EMSY: variants seen among roughly 807,000 people sequenced by gnomAD.
EMSY encodes BRCA2-interacting transcriptional repressor EMSY.
EMSY carries 26 observed loss-of-function variants against 134.6 expected under a neutral mutation model. The ratio of observed to expected loss-of-function variants is 0.19; its 90% CI spans 0.14 to 0.27. The LOEUF (loss-of-function observed/expected upper bound fraction) is 0.27, where lower values mean the gene tolerates loss of function less well. Ranked by LOEUF, EMSY falls within the 10% of genes least tolerant of loss-of-function variation. The probability of loss-of-function intolerance (pLI) is 1.00; values close to 1 mark genes in which losing one functional copy is unlikely to be tolerated. For synonymous variants in EMSY, 579 were observed against 577.8 expected, an observed-to-expected ratio of 1.00 and a Z score of -0.03; for missense variants, 1,305 against 1,611.4, an observed-to-expected ratio of 0.81 and a Z score of 3.26.
chr11:76,452,011 T>A, intron 3 of EMSY, 54 bp downstream of exon 3: 1 of 1,154,178 alleles, frequency 8.7e-7, no homozygotes, highest in Non-Finnish European at 1.2e-6. Flanking sequence ...TGGGGGATTT[T>A]ATTACTTATC....
chr11:76,519,768 T>G (rs1484521159), intron 11 of EMSY, among the ~76,000 whole-genome samples: 1 of 152,190 alleles, frequency 6.6e-6, no homozygotes, highest in Non-Finnish European at 1.5e-5. Context: ...ACAGGGATCT[T>G]TTTAAAAAAT....
intron 14 of EMSY, among the ~76,000 whole-genome samples, chr11:76,534,725 C>G (rs1314793579): frequency 1.3e-5 from 2 of 152,092 alleles, no homozygotes; most frequent in African/African-American, 4.8e-5. Flanking sequence ...TCAAAGCAGC[C>G]TCTTACTTTC....
chr11:76,530,367 G>A (rs966173909), intron 14 of EMSY, among the ~76,000 whole-genome samples: 1 of 152,062 alleles, frequency 6.6e-6, no homozygotes, highest in South Asian at 2.1e-4. Context: ...CATCATGTTG[G>A]CCAGGCTGGT....
intron 8 of EMSY, among the ~76,000 whole-genome samples, chr11:76,475,234 T>C (rs1948731207): frequency 6.6e-6 from 1 of 152,230 alleles, no homozygotes; most frequent in Non-Finnish European, 1.5e-5. Flanking sequence ...TGTTGATAGT[T>C]GTTTTTCTCT....
At position 76,496,725 on chromosome 11, in the gene EMSY, A is replaced by G. The variant is rs576544300; in HGVS notation, c.1363+256A>G. ...GTCTACATGTTTTTTGTTAGTATAT[A>G]AAAATAGTATTGATCTTGTATCCTT... On this transcript the variant is annotated intron_variant, in intron 9 of 20. Coordinates refer to ENST00000334736, the Ensembl canonical transcript of EMSY. 8.0e-6 allele frequency: 4 copies of G among 498,988 alleles called. No homozygotes were observed. In the East Asian group the frequency reaches 1.7e-4, roughly 21 times the overall value. The allele number at this position is 498,988 out of a possible 1,614,324, so 30.9% of individuals were successfully genotyped here.
chr11:76,462,162 C>T (rs965376888), intron 6 of EMSY, among the ~76,000 whole-genome samples: 1 of 152,126 alleles, frequency 6.6e-6, no homozygotes, highest in Admixed American at 6.5e-5. Context: ...TCACTTGAAT[C>T]TGGGAGACGG....
chr11:76,528,257 T>C lies in EMSY; in HGVS notation c.1996-11T>C, dbSNP rs1407646207. On this transcript the variant is annotated splice_polypyrimidine_tract_variant and intron_variant, in intron 13 of 20. Coordinates refer to ENST00000334736, the Ensembl canonical transcript of EMSY. ...AAATTTTATCTCAGTATATTTCTGC[T>C]TTTCTCCTAGGTTCTTATTAAACCC... The C allele has an allele frequency of 1.2e-6, 2 of 1,609,676 alleles. No homozygotes were observed. The highest frequency in any genetic ancestry group is 3.4e-5 in the Admixed American group (2 of 59,558).
chr11:76,535,807 G>T, intron 14 of EMSY, 88 bp from the exon 16 acceptor site: 1 of 1,071,882 alleles, frequency 9.3e-7, no homozygotes, highest in Non-Finnish European at 1.2e-6. Flanking sequence ...AGAAAGATAA[G>T]CAAACAGACA....
At chr11:76,539,130 CTGAT>C (rs145932892) in intron 16 of EMSY, among the ~76,000 whole-genome samples, 2,931 of 152,208 alleles carry the variant, frequency 0.019, 53 homozygotes, top group Non-Finnish European at 0.029. Context: ...CTCTCCTATT[CTGAT>C]TAGATGACAC....
chr11:76,469,538 C>T (rs779131875), intron 7 of EMSY, among the ~76,000 whole-genome samples: 5 of 152,196 alleles, frequency 3.3e-5, no homozygotes, highest in South Asian at 2.1e-4. Flanking sequence ...AATGCCTTTA[C>T]TGATATCCTT....
rs534914717 is a variant in EMSY, at chr11:76,453,403, G to C, written c.245+15G>C. The C allele has an allele frequency of 6.2e-7, 1 of 1,608,316 alleles. No homozygotes were observed. Among genetic ancestry groups the C allele is most frequent in the South Asian group, 1.1e-5 (1 of 90,446 alleles). On this transcript the variant is annotated intron_variant, in intron 4 of 20. Coordinates refer to ENST00000334736, the Ensembl canonical transcript of EMSY. Reference sequence around the variant, plus strand: ...ATTGCACATAAGTAAGCCATTAGTCGTACCATCCCTGATTTTTTATGACAT... The same window carrying C: ...ATTGCACATAAGTAAGCCATTAGTCCTACCATCCCTGATTTTTTATGACAT...
At chr11:76,503,858 C>T (rs1309461065) in intron 9 of EMSY, among the ~76,000 whole-genome samples, 1 of 152,108 alleles carries the variant, frequency 6.6e-6, no homozygotes, top group Non-Finnish European at 1.5e-5. Context: ...GGTCTTGGCT[C>T]ACTGCAACTT....
intron 8 of EMSY, among the ~76,000 whole-genome samples, chr11:76,494,707 CTTCCTTCCTTCCTTCCTTCCTTCCTTCCT>C (rs1370311111): frequency 1.9e-5 from 2 of 107,952 alleles, no homozygotes; most frequent in East Asian, 3.0e-4. Context: ...TCCTTCCTTC[CTTCCTTCCTTCCTTCCTTCCTTCCTTCCT>C]TTCCTTCCTT....
intron 7 of EMSY, among the ~76,000 whole-genome samples, chr11:76,466,010 T>A (rs1430767168): frequency 6.6e-6 from 1 of 152,226 alleles, no homozygotes; most frequent in Non-Finnish European, 1.5e-5. Context: ...TGGTTGGCAG[T>A]GTTTTGTTTG....
intron 6 of EMSY, among the ~76,000 whole-genome samples, chr11:76,462,458 T>C (rs1187162801): frequency 6.6e-6 from 1 of 152,218 alleles, no homozygotes; most frequent in Non-Finnish European, 1.5e-5. Context: ...ACTTAGTCAT[T>C]ACCCTCTGGG....
chr11:76,465,084 A>C (rs1948295011), intron 7 of EMSY, among the ~76,000 whole-genome samples: 1 of 152,156 alleles, frequency 6.6e-6, no homozygotes, highest in Admixed American at 6.5e-5. Context: ...TTGTATACTC[A>C]GTGGGCCCTT....
At chr11:76,540,670 G>A (rs372793074) in intron 17 of EMSY, among the ~76,000 whole-genome samples, 1 of 152,074 alleles carries the variant, frequency 6.6e-6, no homozygotes, top group Non-Finnish European at 1.5e-5. Context: ...ATACATAAAT[G>A]GCATTTTTAC....
At position 76,517,499 on chromosome 11, in the gene EMSY, G is replaced by C. The variant is rs528695673; in HGVS notation, c.1684+1187G>C. Among the ~76,000 whole-genome samples, 3 of 152,224 alleles carry C rather than the reference G, an allele frequency of 2.0e-5. No individual in the cohort carries two copies. The East Asian group carries it at 5.8e-4, about 29-fold the overall frequency. On this transcript the variant is annotated intron_variant, in intron 11 of 20. Transcript: ENST00000334736. ...AAAGGGATCTTATATTTCATTGGTAGGTAGTTTTTTATGACCTTAAGGATT... is the reference window on the plus strand; with the variant it reads ...AAAGGGATCTTATATTTCATTGGTACGTAGTTTTTTATGACCTTAAGGATT...
intron 14 of EMSY, among the ~76,000 whole-genome samples, chr11:76,535,399 G>C (rs907319052): frequency 6.6e-6 from 1 of 152,276 alleles, no homozygotes. Flanking sequence ...TCCAATAAGT[G>C]TTGACAGAAT....
Sources: allele counts gnomAD v4.1 joint callset (sites outside exome capture counted in the v4.1 genomes callset), GRCh38; gene constraint gnomAD v4.1.1; transcripts MANE v1.5; gene names NCBI Gene and HGNC (gene_info 2026-07-23, HGNC 2026-07-21).